SHB: variants seen among roughly 807,000 people sequenced by gnomAD.
SHB encodes the protein SH2 domain containing adaptor protein B, also known as SH2 domain-containing adapter protein B.
In SHB, 20 loss-of-function variants were observed where a neutral mutation model predicts 52.3. The ratio of observed to expected loss-of-function variants is 0.38; its 90% CI spans 0.27 to 0.56. The LOEUF (loss-of-function observed/expected upper bound fraction) is 0.56, where lower values mean the gene tolerates loss of function less well. Ranked by LOEUF, SHB falls within the 20% of genes least tolerant of loss-of-function variation. SHB has a pLI of 0.71. For synonymous variants in SHB, 397 were observed against 316.5 expected, an observed-to-expected ratio of 1.25 and a Z score of -2.70; for missense variants, 825 against 723.3, an observed-to-expected ratio of 1.14 and a Z score of -1.61.
chr9:37,982,709 G>GA (rs1820749706), intron 2 of SHB, among the ~76,000 whole-genome samples: 1 of 151,946 alleles, frequency 6.6e-6, no homozygotes, highest in Admixed American at 6.5e-5. Context: ...TGAGGCAGAA[G>GA]AATCACTTGA....
chr9:37,934,868 T>C (rs1458915233), intron 5 of SHB, among the ~76,000 whole-genome samples: 1 of 152,220 alleles, frequency 6.6e-6, no homozygotes, highest in Non-Finnish European at 1.5e-5. Context: ...ATTTTATTAT[T>C]TGGCTTGGGT....
Position 38,068,337 on chromosome 9 carries a change from C to A in SHB, c.309G>T (p.Leu103=). The change falls in exon 1 of 6, where the codon CTG becomes CTT. Residue 103 remains leucine, a synonymous_variant. Transcript: ENST00000377707. ...EDPYNGPGSS[L]RKLRAMCRLD... is the part of the protein sequence containing the mutation. ...GGCGGCACATGGCGCGCAGTTTGCG[C>A]AGCGACGAGCCAGGCCCGTTGTAGG... 6.5e-7 allele frequency: 1 copy of A among 1,547,696 alleles called. No individual in the cohort carries two copies. The highest frequency in any genetic ancestry group is 8.7e-7 in the Non-Finnish European group (1 of 1,152,174).
At chr9:37,961,543 T>C (rs960774379) in intron 3 of SHB, among the ~76,000 whole-genome samples, 12 of 152,138 alleles carry the variant, frequency 7.9e-5, no homozygotes, top group African/African-American at 2.4e-4. Context: ...TGATGCAACT[T>C]CCCCTACAAA....
intron 4 of SHB, 38 bp from the exon 5 acceptor site, chr9:37,948,792 A>C: frequency 6.2e-7 from 1 of 1,611,436 alleles, no homozygotes. Flanking sequence ...GCCCAGCGCG[A>C]TGGGATTCCC....
chr9:38,021,630 T>C (rs1384486212), intron 1 of SHB, among the ~76,000 whole-genome samples: 2 of 151,542 alleles, frequency 1.3e-5, no homozygotes, highest in Admixed American at 1.3e-4. Flanking sequence ...ATCGTGCCAC[T>C]GCACTCCAGC....
rs1183966187 is a variant in SHB at position 37,919,577 on chromosome 9, A to T, written c.*244T>A. 1 of 355,916 alleles carries T rather than the reference A, an allele frequency of 2.8e-6. No homozygotes were observed. Among genetic ancestry groups the T allele is most frequent in the African/African-American group, 2.1e-5 (1 of 47,238 alleles). 22.0% of individuals were successfully genotyped at this position (355,916 alleles called of 1,614,324 possible). ...TGGATTTGCAAATATTTTAATTCAC[A>T]GAAACTCAAGGAGAGGGTGGGGGTG... On this transcript the variant is annotated 3_prime_UTR_variant, in exon 6 of 6. Coordinates refer to ENST00000377707, the MANE Select transcript of SHB (RefSeq NM_003028.3).
chr9:38,036,756 C>T (rs1024829260), intron 1 of SHB, among the ~76,000 whole-genome samples: 1 of 152,188 alleles, frequency 6.6e-6, no homozygotes, highest in Admixed American at 6.5e-5. Context: ...AATAATAATA[C>T]AAGAAATACT....
chr9:38,000,166 G>A (rs1820994315), intron 2 of SHB, among the ~76,000 whole-genome samples: 1 of 152,252 alleles, frequency 6.6e-6, no homozygotes, highest in African/African-American at 2.4e-5. Context: ...AAGAGAGGGA[G>A]CGAGAAGTCA....
chr9:37,939,206 G>A (rs1290197383), intron 5 of SHB, among the ~76,000 whole-genome samples: 2 of 152,208 alleles, frequency 1.3e-5, no homozygotes, highest in African/African-American at 2.4e-5. Flanking sequence ...CTCCTAGTTT[G>A]CTACCAGATA....
intron 2 of SHB, among the ~76,000 whole-genome samples, chr9:37,976,555 TCC>T (rs1820658136): frequency 6.6e-6 from 1 of 152,206 alleles, no homozygotes; most frequent in South Asian, 2.1e-4. Flanking sequence ...TCTAGGCACA[TCC>T]TGAACAATGT....
Position 37,953,729 on chromosome 9 carries a change from CTCCTGAACTCTAGAACAGCATCAGTTCA to C in SHB, c.1226+2126_1226+2153del, listed in dbSNP as rs1346761839. 4.6e-5 allele frequency among the ~76,000 whole-genome samples: 7 copies of C among 152,292 alleles called. No homozygotes were observed. The East Asian group carries it at 1.4e-3, about 29-fold the overall frequency. On this transcript the variant is annotated intron_variant, in intron 4 of 5. Transcript: ENST00000377707. Reference sequence around the variant, plus strand: ...AGGAGAGGTTCAGACTGGAAGGCGCCTCCTGAACTCTAGAACAGCATCAGTTCAGGTGGGGGACTAGGTGATCCTCTTT... The same window carrying C: ...AGGAGAGGTTCAGACTGGAAGGCGCCGGTGGGGGACTAGGTGATCCTCTTT...
chr9:38,048,872 G>C (rs1821696317), intron 1 of SHB, among the ~76,000 whole-genome samples: 1 of 152,280 alleles, frequency 6.6e-6, no homozygotes, highest in South Asian at 2.1e-4. Flanking sequence ...TGGGTTCCCA[G>C]GGTAACAACT....
Position 38,068,409 on chromosome 9 carries a change from G to A in SHB, c.237C>T (p.Asp79=). The part of the protein sequence containing the change: ...SLPDDSGSTS[D]LIRAYRAQKE... ...TCTGCGCGCGGTAGGCGCGGATGAG[G>A]TCGCTGGTGCTGCCGCTGTCGTCGG... The change falls in exon 1 of 6, where the codon GAC becomes GAT. Residue 79 remains aspartate, a synonymous_variant. Coordinates refer to ENST00000377707, the MANE Select transcript of SHB (RefSeq NM_003028.3). The A allele has an allele frequency of 3.8e-6, 6 of 1,572,588 alleles. No homozygotes were observed. Among genetic ancestry groups the A allele is most frequent in the African/African-American group, 1.4e-5 (1 of 71,454 alleles).
chr9:37,923,898 G>A (rs537649915), intron 5 of SHB, among the ~76,000 whole-genome samples: 2 of 152,176 alleles, frequency 1.3e-5, no homozygotes, highest in South Asian at 2.1e-4. Flanking sequence ...CCCGCATCCC[G>A]AGCCAGCTGA....
intron 1 of SHB, among the ~76,000 whole-genome samples, chr9:38,022,371 C>T (rs1269143726): frequency 6.6e-6 from 1 of 152,230 alleles, no homozygotes; most frequent in African/African-American, 2.4e-5. Context: ...ACTCATTATT[C>T]ACCTGGCTAA....
intron 1 of SHB, among the ~76,000 whole-genome samples, chr9:38,041,987 T>G (rs1024934241): frequency 2.0e-5 from 3 of 152,208 alleles, no homozygotes; most frequent in Non-Finnish European, 4.4e-5. Context: ...CATGAGGAAG[T>G]CATTAGCTGG....
At chr9:38,008,657 G>C (rs932216580) in intron 2 of SHB, among the ~76,000 whole-genome samples, 2 of 152,182 alleles carry the variant, frequency 1.3e-5, no homozygotes, top group African/African-American at 2.4e-5. Context: ...TCTGGGCCTC[G>C]GGCAGGAAGC....
chr9:37,989,311 C>A (rs1001347515), intron 2 of SHB, among the ~76,000 whole-genome samples: 2 of 152,130 alleles, frequency 1.3e-5, no homozygotes, highest in Non-Finnish European at 2.9e-5. Flanking sequence ...TCCGTCTGCC[C>A]CTTCTCCTGA....
rs1474202493 is a variant in SHB at position 37,916,722 on chromosome 9, C to T, written c.*3099G>A. 6.6e-6 allele frequency among the ~76,000 whole-genome samples: 1 copy of T among 152,216 alleles called. No homozygotes were observed. The highest frequency in any genetic ancestry group is 2.4e-5 in the African/African-American group (1 of 41,458). ...GAGGGTGTCAGCCTGGGCCATTCTT[C>T]TGACTTCAGGACGGGACTGGCAGGC... On this transcript the variant is annotated 3_prime_UTR_variant, in exon 6 of 6. Coordinates refer to ENST00000377707, the MANE Select transcript of SHB (RefSeq NM_003028.3).
Sources: gnomAD v4.1 joint callset for allele counts (sites outside exome capture counted in the v4.1 genomes callset) on GRCh38, gnomAD v4.1.1 for gene constraint, MANE v1.5 for transcripts, NCBI Gene and HGNC (gene_info 2026-07-23, HGNC 2026-07-21) for gene names.